The following STEEP1 variants were observed in gnomAD, a reference collection of about 807,000 sequenced individuals.
STEEP1 encodes the protein STING1 ER exit protein 1.
Under a neutral mutation model 19.2 loss-of-function variants are expected in STEEP1, and 3 were observed. The observed-to-expected ratio is 0.16, with a 90% CI of 0.07 to 0.40. STEEP1 has a LOEUF of 0.40. STEEP1 is among the 10% of genes least tolerant of loss of function. The pLI is 0.99. For missense variants in STEEP1, 54 were observed against 177.1 expected (o/e 0.30, Z 3.94); for synonymous variants, 46 against 63.7 (o/e 0.72, Z 1.32).
chrX:119,544,244 T>G, intron 4 of STEEP1, 109 bp downstream of exon 4: 2 of 548,752 alleles, frequency 3.6e-6, no homozygotes, highest in Non-Finnish European at 5.5e-6. Flanking sequence ...GAAAAAGAAA[T>G]AAAAAGAATA....
chrX:119,553,581 A>G (rs1396039853), intron 2 of STEEP1, among the ~76,000 whole-genome samples: 1 of 111,541 alleles, frequency 9.0e-6, no homozygotes, highest in Non-Finnish European at 1.9e-5. Flanking sequence ...CTCTCCATTT[A>G]CAAGTATTAC....
At chrX:119,562,284 C>A (rs1171814863) in intron 1 of STEEP1, among the ~76,000 whole-genome samples, 1 of 111,610 alleles carries the variant, frequency 9.0e-6, no homozygotes, top group Non-Finnish European at 1.9e-5. Context: ...GTAATCCCAG[C>A]ACTTTGGGAG....
At chrX:119,544,123 A>T (rs2053184021) in intron 4 of STEEP1, among the ~76,000 whole-genome samples, 1 of 111,522 alleles carries the variant, frequency 9.0e-6, no homozygotes, top group South Asian at 3.7e-4. Context: ...CCCCATAAAT[A>T]TGTGCATCTA....
In STEEP1 at chrX:119,545,337, A is replaced by G; in HGVS notation, c.284+126T>C. ...CACTGCACTCCAGCCTGGGCGACAG[A>G]GCAAGACTCTGTCTCAAAAAAAAAA... On this transcript the variant is annotated intron_variant, in intron 3 of 6. Transcript: ENST00000644802. 3.2e-5 allele frequency: 14 copies of G among 435,746 alleles called. No individual in the cohort carries two copies. In the South Asian group the frequency reaches 4.0e-4, roughly 12 times the overall value. The allele number at this position is 435,746 out of a possible 1,213,427, so 35.9% of individuals were successfully genotyped here.
At chrX:119,548,416 C>A (rs2053220741) in intron 2 of STEEP1, among the ~76,000 whole-genome samples, 1 of 107,302 alleles carries the variant, frequency 9.3e-6, no homozygotes, top group African/African-American at 3.4e-5. Context: ...CGCCTGTAGT[C>A]CCAGCTACTA....
At chrX:119,552,248 G>A (rs2053248017) in intron 2 of STEEP1, among the ~76,000 whole-genome samples, 1 of 111,026 alleles carries the variant, frequency 9.0e-6, no homozygotes, top group Non-Finnish European at 1.9e-5. Context: ...ATGTTGGTCA[G>A]GCTGGTCTGG....
chrX:119,560,194 G>T, intron 2 of STEEP1, 74 bp downstream of exon 2: 1 of 722,795 alleles, frequency 1.4e-6, no homozygotes, highest in Non-Finnish European at 2.2e-6. Flanking sequence ...AACAATAGAT[G>T]TGATATTTAT....
chrX:119,552,464 A>G (rs2053249816), intron 2 of STEEP1, among the ~76,000 whole-genome samples: 1 of 112,530 alleles, frequency 8.9e-6, no homozygotes, highest in Non-Finnish European at 1.9e-5. Flanking sequence ...CCAGTTAACT[A>G]CAGAGGATAT....
At chrX:119,565,014 G>A (rs1203331232) in intron 1 of STEEP1, 1 of 361,334 alleles carries the variant, frequency 2.8e-6, no homozygotes, top group African/African-American at 2.7e-5. Context: ...TAGTTTTGAG[G>A]AAGGTCTGGA....
chrX:119,549,693 A>G (rs2053231217), intron 2 of STEEP1, among the ~76,000 whole-genome samples: 1 of 112,358 alleles, frequency 8.9e-6, no homozygotes, highest in South Asian at 3.6e-4. Context: ...GTGCTGCATC[A>G]TAACACGGCA....
At chrX:119,542,224 G>A (rs2053169239) in intron 5 of STEEP1, among the ~76,000 whole-genome samples, 2 of 108,124 alleles carry the variant, frequency 1.8e-5, no homozygotes, top group African/African-American at 3.4e-5. Context: ...GCACCAACAC[G>A]CCCGGCTAAT....
In STEEP1 at chrX:119,547,499, T is replaced by C. The variant is rs1341601176; in HGVS notation, c.243-1995A>G. Among the ~76,000 whole-genome samples, 3 of 112,608 alleles carry C rather than the reference T, an allele frequency of 2.7e-5. No individual in the cohort carries two copies. The East Asian group carries it at 8.3e-4, about 31-fold the overall frequency. ...GAATCTTTTAATTTGAATTTCTTTT[T>C]TTAGGAGTAAAGTTACACATCTTTT... is the stretch of plus-strand genomic sequence containing the variant. On this transcript the variant is annotated intron_variant, in intron 2 of 6. Transcript: ENST00000644802.
At chrX:119,541,971 C>T (rs1360167850) in intron 5 of STEEP1, among the ~76,000 whole-genome samples, 1 of 109,674 alleles carries the variant, frequency 9.1e-6, no homozygotes, top group African/African-American at 3.3e-5. Context: ...CATTCAACAT[C>T]CAACTCCTTC....
chrX:119,548,129 G>A (rs994529968), intron 2 of STEEP1, among the ~76,000 whole-genome samples: 8 of 109,718 alleles, frequency 7.3e-5, no homozygotes, highest in African/African-American at 1.3e-4. Context: ...CCAAGATTGC[G>A]TCACTGCACT....
At chrX:119,542,098 C>T (rs1021482129) in intron 5 of STEEP1, among the ~76,000 whole-genome samples, 15 of 94,220 alleles carry the variant, frequency 1.6e-4, no homozygotes, top group Admixed American at 1.3e-3. Flanking sequence ...GACAGAGACC[C>T]GCTCTGTCCC....
At chrX:119,560,986 A>T (rs923072622) in intron 1 of STEEP1, among the ~76,000 whole-genome samples, 14 of 99,675 alleles carry the variant, frequency 1.4e-4, no homozygotes, top group Non-Finnish European at 2.6e-4. Flanking sequence ...TGGGCAACAC[A>T]GCAAGACCCT....
At chrX:119,548,088 C>T (rs2053218049) in intron 2 of STEEP1, among the ~76,000 whole-genome samples, 1 of 111,068 alleles carries the variant, frequency 9.0e-6, no homozygotes, top group South Asian at 3.8e-4. Flanking sequence ...AGGAGAATCG[C>T]TTGAACCTGG....
Position 119,542,779 on chromosome X carries a change from T to C in STEEP1, c.424-185A>G, listed in dbSNP as rs770628952. 130 of 325,244 alleles carry C rather than the reference T, an allele frequency of 4.0e-4. 1 individual carries two copies. The highest frequency in any genetic ancestry group is 3.1e-3 in the African/African-American group (112 of 36,584). The allele number at this position is 325,244 out of a possible 1,213,427, so 26.8% of individuals were successfully genotyped here. ...TTACATATTTTTCTAACATTTGCCA[T>C]CAAAGGCTCTTATTTTTTTTTAATT... On this transcript the variant is annotated intron_variant, in intron 4 of 6. Coordinates refer to ENST00000644802, the MANE Select transcript of STEEP1 (RefSeq NM_022101.4).
intron 1 of STEEP1, among the ~76,000 whole-genome samples, chrX:119,561,740 AAAGTC>A (rs1288302567): frequency 1.8e-5 from 2 of 112,143 alleles, no homozygotes; most frequent in Admixed American, 1.9e-4. Context: ...GATCACAGAG[AAAGTC>A]AAGTGGTCAG....
Sources: allele counts gnomAD v4.1 joint callset (sites outside exome capture counted in the v4.1 genomes callset), GRCh38; gene constraint gnomAD v4.1.1; transcripts MANE v1.5; gene names NCBI Gene and HGNC (gene_info 2026-07-23, HGNC 2026-07-21).